HDAC9: variants seen among roughly 807,000 people sequenced by gnomAD.
HDAC9 encodes histone deacetylase 9, also known as MEF-2 interacting transcription repressor (MITR) protein.
A neutral mutation model predicts 139.4 loss-of-function variants in HDAC9; 41 were observed. The observed-to-expected ratio is 0.29, with a 90% confidence interval of 0.23 to 0.38. The LOEUF (loss-of-function observed/expected upper bound fraction) is 0.38, where lower values mean the gene tolerates loss of function less well. Ranked by LOEUF, HDAC9 falls within the 10% of genes least tolerant of loss-of-function variation. The pLI is 1.00. For missense variants in HDAC9, 1,147 were observed against 1,297.0 expected (o/e 0.88, Z 1.78); for synonymous variants, 517 against 476.2 (o/e 1.09, Z -1.12).
At chr7:18,687,456 C>A (rs1782354323) in intron 12 of HDAC9, among the ~76,000 whole-genome samples, 1 of 151,768 alleles carries the variant, frequency 6.6e-6, no homozygotes, top group African/African-American at 2.4e-5. Flanking sequence ...TATCATAGAA[C>A]CCTCATTGAT....
chr7:18,663,030 A>G (rs1420497235), intron 11 of HDAC9, among the ~76,000 whole-genome samples: 1 of 152,104 alleles, frequency 6.6e-6, no homozygotes, highest in African/African-American at 2.4e-5. Context: ...TCAATGAAGT[A>G]TGGAGCCTAG....
chr7:18,278,351 A>T (rs924554278), intron 2 of HDAC9, among the ~76,000 whole-genome samples: 1 of 152,214 alleles, frequency 6.6e-6, no homozygotes, highest in African/African-American at 2.4e-5. Context: ...AAACAAAAAC[A>T]TACGCTTTGA....
rs758739116 is a variant in HDAC9 at position 18,793,383 on chromosome 7, C to T, written c.2253C>T (p.Ser751=). The T allele has an allele frequency of 2.7e-5, 42 of 1,584,546 alleles. No individual in the cohort carries two copies. The highest frequency in any genetic ancestry group is 1.9e-4 in the South Asian group (16 of 86,114). ...SDTIWNELHS[S]GAARMAVGCV... ...CCATTTGGAATGAGCTACACTCGTC[C>T]GGTGCTGCACGCATGGCTGTTGGCT... Residue 751 remains serine (S), a synonymous_variant, in exon 17 of 26, where the codon TCC becomes TCT. Coordinates refer to ENST00000686413, the MANE Select transcript of HDAC9 (RefSeq NM_178425.4).
chr7:18,861,072 ACT>A (rs1304007476), intron 21 of HDAC9, among the ~76,000 whole-genome samples: 4 of 152,136 alleles, frequency 2.6e-5, no homozygotes, highest in African/African-American at 9.7e-5. Context: ...ATGTTACTGG[ACT>A]CACATTTGAA....
chr7:18,734,473 T>C (rs995811981), intron 13 of HDAC9, among the ~76,000 whole-genome samples: 43 of 152,182 alleles, frequency 2.8e-4, no homozygotes, highest in Middle Eastern at 3.4e-3. Context: ...AGTGAGAACA[T>C]GTGGTGGTTG....
chr7:18,907,224 C>A (rs756647135), intron 22 of HDAC9, among the ~76,000 whole-genome samples: 2 of 152,078 alleles, frequency 1.3e-5, no homozygotes, highest in Non-Finnish European at 2.9e-5. Flanking sequence ...GAATGGAAAA[C>A]AATTTAGCTC....
At chr7:18,654,467 C>G (rs903232796) in intron 11 of HDAC9, among the ~76,000 whole-genome samples, 1 of 152,094 alleles carries the variant, frequency 6.6e-6, no homozygotes, top group Non-Finnish European at 1.5e-5. Context: ...ATCTTCCCTT[C>G]AACCTTAACA....
chr7:18,923,213 C>A (rs191321250), intron 22 of HDAC9, among the ~76,000 whole-genome samples: 7 of 151,920 alleles, frequency 4.6e-5, no homozygotes, highest in Non-Finnish European at 1.0e-4. Context: ...TACATCTATC[C>A]GTTAATATCC....
chr7:18,091,631 C>A (rs1308330861), intron 1 of HDAC9, among the ~76,000 whole-genome samples: 1 of 152,110 alleles, frequency 6.6e-6, no homozygotes, highest in East Asian at 1.9e-4. Context: ...CTTAACACAA[C>A]ACCCCTTTAT....
At chr7:18,481,717 A>G (rs185185690) in intron 1 of HDAC9, among the ~76,000 whole-genome samples, 7 of 152,364 alleles carry the variant, frequency 4.6e-5, no homozygotes, top group Non-Finnish European at 8.8e-5. Context: ...AAGCAAAATT[A>G]TACATGACAA....
intron 17 of HDAC9, among the ~76,000 whole-genome samples, chr7:18,807,364 C>T (rs1257203273): frequency 6.6e-6 from 1 of 152,072 alleles, no homozygotes; most frequent in Non-Finnish European, 1.5e-5. Flanking sequence ...AAAGGATTGT[C>T]ATTTCATTCA....
chr7:18,367,784 A>G (rs573931692), intron 1 of HDAC9, among the ~76,000 whole-genome samples: 2 of 152,046 alleles, frequency 1.3e-5, no homozygotes, highest in Non-Finnish European at 2.9e-5. Flanking sequence ...TTTGAAACCA[A>G]TGTATATGCC....
rs144557534 is a variant in HDAC9, at chr7:18,986,748, G to T, written c.3171-9275G>T. Among the ~76,000 whole-genome samples, 5 of 152,064 alleles carry T rather than the reference G, an allele frequency of 3.3e-5. No individual in the cohort carries two copies. In the South Asian group the frequency reaches 1.0e-3, roughly 32 times the overall value. On this transcript the variant is annotated intron_variant, in intron 25 of 25. Coordinates refer to ENST00000686413, the MANE Select transcript of HDAC9 (RefSeq NM_178425.4). Reference sequence around the variant, plus strand: ...TGTTTGTATCCTCTTTTATTTCCTTGAGCAGTGGTTTGTAGTTCTCCTTGA... The same window carrying T: ...TGTTTGTATCCTCTTTTATTTCCTTTAGCAGTGGTTTGTAGTTCTCCTTGA...
intron 19 of HDAC9, among the ~76,000 whole-genome samples, chr7:18,833,311 T>C (rs1001826153): frequency 6.6e-6 from 1 of 152,210 alleles, no homozygotes; most frequent in Admixed American, 6.5e-5. Flanking sequence ...AGAGAACATA[T>C]CATTTTATAT....
At chr7:18,118,410 A>G (rs372474765) in intron 1 of HDAC9, among the ~76,000 whole-genome samples, 2 of 152,168 alleles carry the variant, frequency 1.3e-5, no homozygotes, top group African/African-American at 4.8e-5. Flanking sequence ...TGTCTTGGCC[A>G]TGTCACAGTT....
At chr7:18,737,085 C>A (rs1786989066) in intron 13 of HDAC9, among the ~76,000 whole-genome samples, 1 of 152,126 alleles carries the variant, frequency 6.6e-6, no homozygotes, top group African/African-American at 2.4e-5. Flanking sequence ...GTGATATCCC[C>A]TTTTTCATTT....
chr7:18,444,957 A>G (rs1182178093), intron 1 of HDAC9, among the ~76,000 whole-genome samples: 1 of 152,202 alleles, frequency 6.6e-6, no homozygotes, highest in Non-Finnish European at 1.5e-5. Context: ...TCCCTAGAAT[A>G]TACAAGTGAT....
intron 12 of HDAC9, among the ~76,000 whole-genome samples, chr7:18,690,785 A>C (rs1229257559): frequency 1.3e-5 from 2 of 152,048 alleles, no homozygotes; most frequent in Admixed American, 1.3e-4. Context: ...TACGGCATGC[A>C]ACTAGCACAT....
At chr7:18,331,058 G>T (rs1414167417) in intron 1 of HDAC9, among the ~76,000 whole-genome samples, 2 of 151,636 alleles carry the variant, frequency 1.3e-5, no homozygotes, top group Non-Finnish European at 3.0e-5. Context: ...AAACAGAGAT[G>T]GGAAACTGAT....
Sources: gnomAD v4.1 joint callset for allele counts (sites outside exome capture counted in the v4.1 genomes callset) on GRCh38, gnomAD v4.1.1 for gene constraint, MANE v1.5 for transcripts, NCBI Gene and HGNC (gene_info 2026-07-23, HGNC 2026-07-21) for gene names.